C20orf203: variants seen among roughly 807,000 people sequenced by gnomAD.
C20orf203 encodes the protein chromosome 20 open reading frame 203.
Under a neutral mutation model 15.9 loss-of-function variants are expected in C20orf203, and 16 were observed. That is an observed-to-expected ratio of 1.01 (90% CI 0.68 to 1.53). The LOEUF is 1.53. Among genes scored for constraint, C20orf203 ranks in the 40% most tolerant of loss-of-function variants. The pLI is 0.00. For missense variants in C20orf203, 263 were observed against 247.5 expected (o/e 1.06, Z -0.42); for synonymous variants, 98 against 97.2 (o/e 1.01, Z -0.05).
intron 4 of C20orf203, among the ~76,000 whole-genome samples, chr20:32,648,261 C>G (rs1982491075): frequency 6.6e-6 from 1 of 151,932 alleles, no homozygotes; most frequent in African/African-American, 2.4e-5. Context: ...TTTGCACTCC[C>G]CATTCCCTCC....
At chr20:32,644,317 G>C (rs1213487060) in intron 4 of C20orf203, among the ~76,000 whole-genome samples, 1 of 152,026 alleles carries the variant, frequency 6.6e-6, no homozygotes, top group Non-Finnish European at 1.5e-5. Flanking sequence ...GTGTGGTGGC[G>C]TACACCTGTA....
chr20:32,649,551 T>G lies in C20orf203; in HGVS notation c.*881A>C, dbSNP rs746126589. 7 of 152,970 alleles carry G rather than the reference T, an allele frequency of 4.6e-5. No homozygotes were observed. Among genetic ancestry groups the G allele is most frequent in the Non-Finnish European group, 7.3e-5 (5 of 68,382 alleles). The allele number at this position is 152,970 out of a possible 1,614,324, so 9.5% of individuals were successfully genotyped here. On this transcript the variant is annotated 3_prime_UTR_variant, in exon 4 of 6. Coordinates refer to ENST00000608990, the MANE Select transcript of C20orf203 (RefSeq NM_182584.4). ...GGTTCTAGCACACTCCTCCTGCCCC[T>G]GTCACAACACGCTGATGGCACCACA...
chr20:32,645,564 C>A (rs1390390366), intron 4 of C20orf203, among the ~76,000 whole-genome samples: 1 of 152,250 alleles, frequency 6.6e-6, no homozygotes, highest in Non-Finnish European at 1.5e-5. Context: ...CGAGACCTCT[C>A]CCCTGCACTG....
chr20:32,639,167 C>T (rs1201912992), intron 5 of C20orf203, among the ~76,000 whole-genome samples: 1 of 152,226 alleles, frequency 6.6e-6, no homozygotes, highest in East Asian at 1.9e-4. Context: ...CAGCAGACAC[C>T]ACCCACAGTG....
intron 1 of C20orf203, among the ~76,000 whole-genome samples, chr20:32,655,597 A>G (rs1982735966): frequency 6.6e-6 from 1 of 152,142 alleles, no homozygotes; most frequent in African/African-American, 2.4e-5. Flanking sequence ...GTTCAAGACC[A>G]ACCTGGCCAA....
At chr20:32,658,233 G>A (rs1982809781) in intron 1 of C20orf203, among the ~76,000 whole-genome samples, 1 of 152,018 alleles carries the variant, frequency 6.6e-6, no homozygotes, top group South Asian at 2.1e-4. Context: ...AAGCATAATA[G>A]GATTCCATTC....
chr20:32,662,491 C>T (rs192930199), intron 1 of C20orf203, among the ~76,000 whole-genome samples: 193 of 152,266 alleles, frequency 1.3e-3, no homozygotes, highest in African/African-American at 4.5e-3. Context: ...ATCTCAGCTA[C>T]TCTGGAGGCT....
At chr20:32,640,884 A>G (rs566441449) in intron 4 of C20orf203, among the ~76,000 whole-genome samples, 197 bp from the exon 5 acceptor site, 3 of 152,090 alleles carry the variant, frequency 2.0e-5, no homozygotes, top group Non-Finnish European at 4.4e-5. Flanking sequence ...AAATGGATTC[A>G]CACAGTATGT....
At chr20:32,656,075 G>A (rs1982746746) in intron 1 of C20orf203, among the ~76,000 whole-genome samples, 1 of 152,136 alleles carries the variant, frequency 6.6e-6, no homozygotes, top group Non-Finnish European at 1.5e-5. Context: ...TGCCATGATT[G>A]GAAGCTTCCT....
At chr20:32,657,660 T>C (rs1420149624) in intron 1 of C20orf203, 2 of 149,766 alleles carry the variant, frequency 1.3e-5, no homozygotes, top group Admixed American at 1.3e-4. Flanking sequence ...AAAAAGCAGG[T>C]TCAAAAATAA....
intron 1 of C20orf203, among the ~76,000 whole-genome samples, chr20:32,655,397 G>C (rs960171719): frequency 6.6e-6 from 1 of 151,986 alleles, no homozygotes; most frequent in African/African-American, 2.4e-5. Context: ...CAACCCACAG[G>C]ATAGGAGAAA....
intron 1 of C20orf203, among the ~76,000 whole-genome samples, chr20:32,662,874 T>C (rs1483804166): frequency 8.3e-6 from 1 of 120,242 alleles, no homozygotes; most frequent in African/African-American, 3.2e-5. Flanking sequence ...CAGGCGAGAC[T>C]CTGTCTCTAT....
intron 1 of C20orf203, among the ~76,000 whole-genome samples, chr20:32,664,400 C>G (rs1982970150): frequency 1.3e-5 from 2 of 152,204 alleles, no homozygotes; most frequent in South Asian, 4.1e-4. Flanking sequence ...CTTGCCAGAG[C>G]CAGCCGTAGA....
intron 1 of C20orf203, among the ~76,000 whole-genome samples, chr20:32,659,780 C>T (rs767261709): frequency 2.0e-4 from 30 of 152,272 alleles, no homozygotes; most frequent in Non-Finnish European, 3.4e-4. Flanking sequence ...CTCTCAGCTG[C>T]CATACCAGGC....
At chr20:32,667,382 A>T (rs1201692201) in intron 1 of C20orf203, among the ~76,000 whole-genome samples, 1 of 152,212 alleles carries the variant, frequency 6.6e-6, no homozygotes, top group Non-Finnish European at 1.5e-5. Flanking sequence ...GGTGGCCTAG[A>T]GCTGCGTTGA....
At chr20:32,637,343 G>A (rs1035335234) in intron 5 of C20orf203, among the ~76,000 whole-genome samples, 6 of 152,196 alleles carry the variant, frequency 3.9e-5, no homozygotes, top group African/African-American at 1.4e-4. Context: ...AACCCAGGAA[G>A]AGGAGGTTGC....
At chr20:32,638,869 C>CCTCCT (rs76201677) in intron 5 of C20orf203, among the ~76,000 whole-genome samples, 10 of 152,214 alleles carry the variant, frequency 6.6e-5, no homozygotes, top group Non-Finnish European at 1.3e-4. Flanking sequence ...CCTGCGCTCC[C>CCTCCT]GGCAATGTCG....
Position 32,651,124 on chromosome 20 carries a change from C to G in C20orf203, c.29G>C (p.Arg10Pro). The G allele has an allele frequency of 3.4e-6, 4 of 1,176,944 alleles. No homozygotes were observed. The highest frequency in any genetic ancestry group is 2.9e-5 in the South Asian group (2 of 68,164). The allele number at this position is 1,176,944 out of a possible 1,614,324, so 72.9% of individuals were successfully genotyped here. A position where few individuals can be genotyped will look rare whatever the true frequency, so the allele number is the denominator to read the frequency against. The change falls in exon 3 of 6, where the codon CGG becomes CCG. Residue 10 changes from arginine to proline, a missense_variant. By Grantham distance (103) the Arg-to-Pro change is moderately radical. Coordinates refer to ENST00000608990, the MANE Select transcript of C20orf203 (RefSeq NM_182584.4). ...CTGAGGCAGGAGAATCGCTTGAGCC[C>G]GGGAGTTCAAGACAGGCCTAGGAAA... The part of the protein sequence containing the change: MFPRPVLNS[R>P]AQAILLPQPP...
chr20:32,653,073 C>T (rs1340094171), intron 1 of C20orf203, among the ~76,000 whole-genome samples: 1 of 152,178 alleles, frequency 6.6e-6, no homozygotes, highest in East Asian at 1.9e-4. Flanking sequence ...TGCACCCAAG[C>T]TGGGCCAAAT....
Sources: allele counts gnomAD v4.1 joint callset (sites outside exome capture counted in the v4.1 genomes callset), GRCh38; gene constraint gnomAD v4.1.1; transcripts MANE v1.5; gene names NCBI Gene and HGNC (gene_info 2026-07-23, HGNC 2026-07-21).